NPAS4: variants seen among roughly 807,000 people sequenced by gnomAD.
NPAS4 encodes neuronal PAS domain-containing protein 4.
Under a neutral mutation model 64.0 loss-of-function variants are expected in NPAS4, and 10 were observed. The ratio of observed to expected loss-of-function variants is 0.16; its 90% CI spans 0.10 to 0.26. The LOEUF (loss-of-function observed/expected upper bound fraction) is 0.26, where lower values mean the gene tolerates loss of function less well. NPAS4 is among the 10% of genes least tolerant of loss of function. The pLI is 1.00. For missense variants in NPAS4, 886 were observed against 992.6 expected (o/e 0.89, Z 1.44); for synonymous variants, 441 against 411.7 (o/e 1.07, Z -0.86).
upstream of NPAS4, among the ~76,000 whole-genome samples, chr11:66,419,814 C>G (rs1260829339): frequency 6.6e-6 from 1 of 152,154 alleles, no homozygotes; most frequent in East Asian, 1.9e-4. Context: ...GAGGCAGAGC[C>G]AGGAGCCTTA....
chr11:66,419,926 C>G (rs1423954393), upstream of NPAS4, among the ~76,000 whole-genome samples: 1 of 152,222 alleles, frequency 6.6e-6, no homozygotes. Flanking sequence ...CTTCGCTTCT[C>G]AGCTGCTCCC....
chr11:66,426,284 C>T lies in NPAS4; in HGVS notation c.*295C>T. The stretch of plus-strand genomic sequence containing the variant: ...AGAATGGGGGAGTCTCACTTCCCCG[C>T]CGCCTTGCCCCATTGGCCTGGGCCA... On this transcript the variant is annotated 3_prime_UTR_variant, in exon 8 of 8. Coordinates refer to ENST00000311034, the MANE Select transcript of NPAS4 (RefSeq NM_178864.4). 1 of 362,658 alleles carries T rather than the reference C, an allele frequency of 2.8e-6. No individual in the cohort carries two copies. The highest frequency in any genetic ancestry group is 5.2e-6 in the Non-Finnish European group (1 of 192,952). The allele number at this position is 362,658 out of a possible 1,614,324, so 22.5% of individuals were successfully genotyped here.
upstream of NPAS4, among the ~76,000 whole-genome samples, chr11:66,416,199 A>G (rs964899445): frequency 2.0e-5 from 3 of 152,186 alleles, no homozygotes; most frequent in African/African-American, 7.2e-5. Flanking sequence ...CATAACGTTA[A>G]GTGGATTTGC....
chr11:66,414,135 G>A, the NPAS4 span, among the ~76,000 whole-genome samples: 1 of 152,172 alleles, frequency 6.6e-6, no homozygotes, highest in Non-Finnish European at 1.5e-5. Context: ...AAGCACAGGG[G>A]CTGGGGGGCA....
the NPAS4 span, among the ~76,000 whole-genome samples, chr11:66,411,775 G>A: frequency 8.9e-4 from 135 of 152,306 alleles, no homozygotes; most frequent in Non-Finnish European, 1.7e-3. Flanking sequence ...CTCCCTGCTC[G>A]TGGGGGTCTC....
upstream of NPAS4, among the ~76,000 whole-genome samples, chr11:66,417,605 A>G (rs1215081069): frequency 6.6e-6 from 1 of 152,186 alleles, no homozygotes; most frequent in East Asian, 1.9e-4. Flanking sequence ...GCAGGAACTC[A>G]ACGGGTGACC....
At chr11:66,418,930 G>C (rs139395006), upstream of NPAS4, among the ~76,000 whole-genome samples, 135 of 152,262 alleles carry the variant, frequency 8.9e-4, no homozygotes, top group African/African-American at 3.1e-3. Context: ...CAGATTGCTG[G>C]AGGCCATGAC....
Position 66,424,292 on chromosome 11 carries a change from G to T in NPAS4, c.1402G>T (p.Asp468Tyr), listed in dbSNP as rs893678956. Residue 468 changes from aspartate (D) to tyrosine (Y), a missense_variant, in exon 7 of 8, where the codon GAT becomes TAT. Asp to Tyr is a radical substitution (Grantham distance 160). Around this residue, in one of 3 missense-constraint regions of NPAS4, gnomAD observed 820 missense variants for 855.5 expected, o/e 0.96. Transcript: ENST00000311034. ...QLTPSTATFS[D>Y]QLTPSSATFP... ...GACTCCAAGCACTGCGACCTTCTCT[G>T]ATCAGTTGACGCCCAGCAGTGCAAC... The T allele has an allele frequency of 7.2e-5, 117 of 1,614,016 alleles. No individual in the cohort carries two copies. Among genetic ancestry groups the T allele is most frequent in the Non-Finnish European group, 9.8e-5 (116 of 1,180,046 alleles).
chr11:66,416,926 C>G (rs1417858083), upstream of NPAS4: 1 of 152,124 alleles, frequency 6.6e-6, no homozygotes, highest in Non-Finnish European at 1.5e-5. Context: ...CACCCTTCAA[C>G]TCCTTCCCAG....
upstream of NPAS4, among the ~76,000 whole-genome samples, chr11:66,419,530 T>G (rs1482938151): frequency 1.3e-5 from 2 of 152,258 alleles, no homozygotes; most frequent in Non-Finnish European, 2.9e-5. Flanking sequence ...TCCAGCCACT[T>G]AAGTGATTCC....
rs1455911781 is a variant in NPAS4 at position 66,424,365 on chromosome 11, C to T, written c.1475C>T (p.Thr492Ile). ...TSPLQGQLTE[T>I]SVRSYEDQLT... ...CCACTGCAAGGCCAGTTGACTGAAA[C>T]CTCGGTCAGAAGCTATGAAGACCAG... is the stretch of plus-strand genomic sequence containing the variant. Residue 492 changes from threonine (T) to isoleucine (I), a missense_variant, in exon 7 of 8, where the codon ACC becomes ATC. Transcript: ENST00000311034. 1 of 1,614,122 alleles carries T rather than the reference C, an allele frequency of 6.2e-7. No homozygotes were observed. The highest frequency in any genetic ancestry group is 1.1e-5 in the South Asian group (1 of 91,082).
chr11:66,421,361 A>C lies in NPAS4; in HGVS notation c.175+7A>C, dbSNP rs1165856043. Reference sequence around the variant, plus strand: ...GGCGTCTTCTTCGCTGGTGGTGAGCATGCTGGGGCTACCGCAGATCCGAGC... The same window carrying C: ...GGCGTCTTCTTCGCTGGTGGTGAGCCTGCTGGGGCTACCGCAGATCCGAGC... On this transcript the variant is annotated splice_region_variant and intron_variant, in intron 1 of 7. Transcript: ENST00000311034. 6.2e-7 allele frequency: 1 copy of C among 1,613,396 alleles called. No individual in the cohort carries two copies. The highest frequency in any genetic ancestry group is 1.7e-5 in the Admixed American group (1 of 60,014).
intron 7 of NPAS4, 125 bp from the exon 8 acceptor site, chr11:66,425,836 G>T (rs1029637202): frequency 2.7e-5 from 20 of 733,514 alleles, no homozygotes; most frequent in Non-Finnish European, 4.2e-5. Context: ...TGAGCCTCTG[G>T]CCATCATTTC....
upstream of NPAS4, chr11:66,420,882 G>A (rs1856730373): frequency 2.7e-6 from 1 of 366,940 alleles, no homozygotes. Context: ...GATGACGTCG[G>A]AAGCCGGGCG....
At chr11:66,421,789 A>G (rs982728528) in intron 1 of NPAS4, among the ~76,000 whole-genome samples, 1 of 152,194 alleles carries the variant, frequency 6.6e-6, no homozygotes, top group Non-Finnish European at 1.5e-5. Context: ...CCGGCCGTGT[A>G]TGGCTCTGTC....
In NPAS4 at chr11:66,421,350, T is replaced by G. The variant is rs367645784; in HGVS notation, c.171T>G (p.Ala57=). The change falls in exon 1 of 8, where the codon GCT becomes GCG. Residue 57 remains alanine (A), a synonymous_variant. Coordinates refer to ENST00000311034, the MANE Select transcript of NPAS4 (RefSeq NM_178864.4). ...CIYTRKGVFF[A]GGTPLAGPTG... ...ACACTCGCAAGGGCGTCTTCTTCGC[T>G]GGTGGTGAGCATGCTGGGGCTACCG... The G allele has an allele frequency of 1.2e-6, 2 of 1,613,776 alleles. No individual in the cohort carries two copies. Among genetic ancestry groups the G allele is most frequent in the African/African-American group, 2.7e-5 (2 of 74,934 alleles).
intron 1 of NPAS4, 141 bp downstream of exon 1, chr11:66,421,495 T>G: frequency 1.4e-6 from 1 of 690,212 alleles, no homozygotes; most frequent in East Asian, 2.7e-5. Context: ...GATTCGGGAC[T>G]TTCTACTTTT....
At chr11:66,425,923 TCTAA>T (rs1429822440) in intron 7 of NPAS4, 34 bp from the exon 8 acceptor site, 8 of 1,538,994 alleles carry the variant, frequency 5.2e-6, no homozygotes, top group African/African-American at 4.1e-5. Flanking sequence ...TGCTAATTGG[TCTAA>T]CTGATTGTGT....
chr11:66,420,021 C>T (rs999707439), upstream of NPAS4, among the ~76,000 whole-genome samples: 1 of 152,178 alleles, frequency 6.6e-6, no homozygotes, highest in African/African-American at 2.4e-5. Context: ...CCGCGGCAGC[C>T]GCCGGAGGAT....
Sources: allele counts gnomAD v4.1 joint callset (sites outside exome capture counted in the v4.1 genomes callset), GRCh38; gene constraint gnomAD v4.1.1; regional missense constraint gnomAD v4.1.1; transcripts MANE v1.5; gene names NCBI Gene and HGNC (gene_info 2026-07-23, HGNC 2026-07-21).